Variants in FANCD2 observed in about 807,000 individuals in gnomAD.
FANCD2 encodes Fanconi anemia group D2 protein.
In FANCD2, 131 loss-of-function variants were observed where a neutral mutation model predicts 192.3. The ratio of observed to expected loss-of-function variants is 0.68; its 90% CI spans 0.59 to 0.79. The LOEUF (loss-of-function observed/expected upper bound fraction) is 0.79. FANCD2 is among the 30% of genes least tolerant of loss of function. The pLI is 0.00. For synonymous variants in FANCD2, 524 were observed against 612.5 expected (o/e 0.86, Z 2.13); for missense variants, 1,508 against 1,701.6 (o/e 0.89, Z 2.00).
In FANCD2 at chr3:10,047,944, C is replaced by A. The variant is rs373898927; in HGVS notation, c.1306C>A (p.Leu436Met). 34 of 1,613,284 alleles carry A rather than the reference C, an allele frequency of 2.1e-5. No individual in the cohort carries two copies. The highest frequency in any genetic ancestry group is 6.7e-5 in the East Asian group (3 of 44,896). Residue 436 changes from leucine to methionine, a missense_variant, in exon 16 of 44, where the codon CTG (leucine) becomes ATG (methionine). Physicochemically the swap from Leu to Met is conservative, Grantham distance 15 (BLOSUM62 2). Transcript: ENST00000675286. Reference protein sequence around the residue: ...LVLKDMCSSILSLAQSLLHSL... With the variant: ...LVLKDMCSSIMSLAQSLLHSL... ...TCTTAAGGATATGTGTTCATCCATT[C>A]TGTCGCTGGCTCAGAGTTTGCTTCA...
intron 34 of FANCD2, 112 bp from the exon 35 acceptor site, chr3:10,088,337 A>T: frequency 1.3e-6 from 1 of 793,612 alleles, no homozygotes; most frequent in Non-Finnish European, 2.3e-6. Context: ...GGAACGTCTT[A>T]GTAAATCTAA....
At chr3:10,069,462 TCTCCCCCTCCCC>T (rs1274449690) in intron 26 of FANCD2, among the ~76,000 whole-genome samples, 5 of 121,522 alleles carry the variant, frequency 4.1e-5, no homozygotes, top group African/African-American at 9.3e-5. Context: ...TTAAGATGCC[TCTCCCCCTCCCC>T]CTCCCCCTCC....
At chr3:10,080,132 C>G (rs1693752942) in intron 30 of FANCD2, among the ~76,000 whole-genome samples, 1 of 152,148 alleles carries the variant, frequency 6.6e-6, no homozygotes, top group Admixed American at 6.5e-5. Flanking sequence ...CCAGGATTGT[C>G]TTGATCTCTT....
chr3:10,062,125 T>C, intron 19 of FANCD2, 26 bp from the exon 20 acceptor site: 1 of 1,563,784 alleles, frequency 6.4e-7, no homozygotes, highest in Non-Finnish European at 8.7e-7. Context: ...ATAATAATAA[T>C]TTAAAAAAAA....
intron 37 of FANCD2, 55 bp downstream of exon 37, chr3:10,090,440 CTGATTTT>C: frequency 1.8e-6 from 1 of 552,958 alleles, no homozygotes. Context: ...TTGGAAGTTG[CTGATTTT>C]TTTTTTTTTT....
intron 26 of FANCD2, 53 bp from the exon 27 acceptor site, chr3:10,072,818 A>T: frequency 2.1e-6 from 2 of 960,466 alleles, no homozygotes; most frequent in South Asian, 2.6e-5. Context: ...TTTCAAGTCT[A>T]ATGGTGGTGT....
At chr3:10,079,700 C>T (rs917255331) in intron 30 of FANCD2, among the ~76,000 whole-genome samples, 5 of 152,164 alleles carry the variant, frequency 3.3e-5, no homozygotes, top group Non-Finnish European at 5.9e-5. Flanking sequence ...CAACAGCCTC[C>T]CAAACCAAGC....
intron 9 of FANCD2, chr3:10,041,234 C>T (rs2086856540): frequency 4.2e-6 from 1 of 237,816 alleles, no homozygotes; most frequent in African/African-American, 2.4e-5. Context: ...AGCAATCTAT[C>T]ACTGTCCTTC....
In FANCD2 at chr3:10,064,751, G is replaced by C; in HGVS notation, c.2044G>C (p.Ala682Pro). 1 of 1,614,132 alleles carries C rather than the reference G, an allele frequency of 6.2e-7. No homozygotes were observed. The highest frequency in any genetic ancestry group is 8.5e-7 in the Non-Finnish European group (1 of 1,179,974). ...CAGTGACTTTCCATTTCCTGTGAAA[G>C]CACTGTACGGACTGGAAGAATACGA... Reference protein sequence around the residue: ...PEGDFPFPVKALYGLEEYDTQ... With the variant: ...PEGDFPFPVKPLYGLEEYDTQ... The change falls in exon 23 of 44, where the codon GCA (alanine) becomes CCA (proline). Residue 682 changes from alanine to proline, a missense_variant. Ala to Pro is a conservative substitution (Grantham distance 27). Coordinates refer to ENST00000675286, the MANE Select transcript of FANCD2 (RefSeq NM_001018115.3).
intron 2 of FANCD2, among the ~76,000 whole-genome samples, chr3:10,030,096 AT>A (rs35086642): frequency 0.46 from 57,266 of 123,968 alleles, 12,563 homozygotes; most frequent in Middle Eastern, 0.61. Flanking sequence ...CCATTATATC[AT>A]TTTTTTTTTT....
chr3:10,026,496 G>A (rs1013898484), intron 1 of FANCD2, 23 bp downstream of exon 1: 4 of 513,684 alleles, frequency 7.8e-6, no homozygotes, highest in African/African-American at 4.1e-5. Context: ...AGCAATGGTC[G>A]TAGTCTCTCG....
intron 37 of FANCD2, among the ~76,000 whole-genome samples, chr3:10,091,053 A>G (rs1694576763): frequency 6.6e-6 from 1 of 151,918 alleles, no homozygotes; most frequent in African/African-American, 2.4e-5. Context: ...ATAGGGAAGC[A>G]GAGAAGCTAC....
At position 10,066,694 on chromosome 3, in the gene FANCD2, A is replaced by G. The variant is rs543837369; in HGVS notation, c.2386-515A>G. ...TCCACCTTGTAACATAACTAGTAAT[A>G]AGTAAAACTAGGGTCACAAGCCTAA... is the stretch of plus-strand genomic sequence containing the variant. On this transcript the variant is annotated intron_variant, in intron 25 of 43. Coordinates refer to ENST00000675286, the MANE Select transcript of FANCD2 (RefSeq NM_001018115.3). Among the ~76,000 whole-genome samples, 16 of 152,248 alleles carry G rather than the reference A, an allele frequency of 1.1e-4. No homozygotes were observed. The South Asian group carries it at 1.7e-3, about 16-fold the overall frequency.
chr3:10,056,086 C>T (rs913567771), intron 18 of FANCD2, among the ~76,000 whole-genome samples: 1 of 152,168 alleles, frequency 6.6e-6, no homozygotes, highest in Admixed American at 6.6e-5. Context: ...GCCATGTTGG[C>T]CAGGCTGGTC....
chr3:10,082,415 G>C (rs1213845548), intron 32 of FANCD2, among the ~76,000 whole-genome samples: 1 of 152,104 alleles, frequency 6.6e-6, no homozygotes, highest in East Asian at 1.9e-4. Context: ...CAGTAAGAGT[G>C]ATCTTCCTAA....
Position 10,064,572 on chromosome 3 carries a change from C to T in FANCD2, c.2021+143C>T. 3 of 1,261,022 alleles carry T rather than the reference C, an allele frequency of 2.4e-6. No individual in the cohort carries two copies. In the South Asian group the frequency reaches 3.6e-5, roughly 15 times the overall value. 78.1% of individuals were successfully genotyped at this position (1,261,022 alleles called of 1,614,324 possible). A position where few individuals can be genotyped will look rare whatever the true frequency, so the allele number is the denominator to read the frequency against. ...CTTCTTTCCTCCCAACCCCAGCACCCCTGCACCCTTAGCTCCAAAATTCCT... is the reference window on the plus strand; with the variant it reads ...CTTCTTTCCTCCCAACCCCAGCACCTCTGCACCCTTAGCTCCAAAATTCCT... On this transcript the variant is annotated intron_variant, in intron 22 of 43. Coordinates refer to ENST00000675286, the MANE Select transcript of FANCD2 (RefSeq NM_001018115.3).
At chr3:10,028,135 T>C (rs2086503269) in intron 1 of FANCD2, among the ~76,000 whole-genome samples, 1 of 151,846 alleles carries the variant, frequency 6.6e-6, no homozygotes, top group African/African-American at 2.4e-5. Context: ...GCAACTAGAC[T>C]AAATTTCCTA....
At chr3:10,040,249 G>T in intron 9 of FANCD2, 1 of 322,410 alleles carries the variant, frequency 3.1e-6, no homozygotes, top group Non-Finnish European at 6.0e-6. Context: ...TGTTAGCCAG[G>T]ATGGTCTCGA....
intron 26 of FANCD2, among the ~76,000 whole-genome samples, chr3:10,069,795 G>T (rs1434528791): frequency 6.6e-6 from 1 of 152,042 alleles, no homozygotes; most frequent in African/African-American, 2.4e-5. Context: ...GTGCAGTAGC[G>T]TGATCTCGGC....
Sources: gnomAD v4.1 joint callset for allele counts (sites outside exome capture counted in the v4.1 genomes callset) on GRCh38, gnomAD v4.1.1 for gene constraint, MANE v1.5 for transcripts, NCBI Gene and HGNC (gene_info 2026-07-23, HGNC 2026-07-21) for gene names.